The following PCDH9 variants were observed in gnomAD, a reference collection of about 807,000 sequenced individuals.
PCDH9 encodes the protein protocadherin 9, also known as protocadherin-9.
PCDH9 carries 24 observed loss-of-function variants against 70.6 expected under a neutral mutation model. The ratio of observed to expected loss-of-function variants is 0.34; its 90% CI spans 0.25 to 0.48. The LOEUF is 0.48. Ranked by LOEUF, PCDH9 falls within the 20% of genes least tolerant of loss-of-function variation. The pLI, the probability that PCDH9 is intolerant of heterozygous loss-of-function variation, is 0.99. For synonymous variants in PCDH9, 562 were observed against 558.5 expected (o/e 1.01, Z -0.09); for missense variants, 1,281 against 1,503.6 (o/e 0.85, Z 2.45).
chr13:66,969,100 T>C (rs2139742741), intron 2 of PCDH9, among the ~76,000 whole-genome samples: 1 of 152,200 alleles, frequency 6.6e-6, no homozygotes. Context: ...TCTTAGCATT[T>C]CAGTAAGCTG....
intron 2 of PCDH9, among the ~76,000 whole-genome samples, chr13:67,004,561 AAAAAAAG>A (rs2084311297): frequency 6.7e-6 from 1 of 150,020 alleles, no homozygotes; most frequent in Admixed American, 6.7e-5. Flanking sequence ...TCAAAAAAAA[AAAAAAAG>A]AAAGAAAGAA....
At chr13:66,700,049 T>C (rs1456782754) in intron 3 of PCDH9, among the ~76,000 whole-genome samples, 1 of 152,138 alleles carries the variant, frequency 6.6e-6, no homozygotes, top group Non-Finnish European at 1.5e-5. Flanking sequence ...CTCAGAAATA[T>C]GTACAAGACA....
intron 4 of PCDH9, among the ~76,000 whole-genome samples, chr13:66,498,301 C>T (rs542682972): frequency 2.0e-4 from 30 of 152,158 alleles, no homozygotes; most frequent in Admixed American, 6.5e-4. Context: ...CCCACCACCA[C>T]GCCCACCTAA....
intron 3 of PCDH9, among the ~76,000 whole-genome samples, chr13:66,849,158 T>C (rs1162595524): frequency 6.6e-6 from 1 of 151,984 alleles, no homozygotes; most frequent in East Asian, 1.9e-4. Context: ...TCTTCCATGG[T>C]AATATATTGA....
At chr13:66,471,052 G>A (rs1291362586) in intron 4 of PCDH9, among the ~76,000 whole-genome samples, 2 of 151,772 alleles carry the variant, frequency 1.3e-5, no homozygotes, top group Non-Finnish European at 2.9e-5. Context: ...CTTCTACTGA[G>A]CACCTGGGGG....
rs996259500 is a variant in PCDH9 at position 66,664,461 on chromosome 13, A to G, written c.3139-33050T>C. Among the ~76,000 whole-genome samples, 2 of 151,986 alleles carry G rather than the reference A, an allele frequency of 1.3e-5. 1 individual carries two copies. On this transcript the variant is annotated intron_variant, in intron 3 of 4. Transcript: ENST00000377865. ...AATGGGCTTTTTTTTTTTTAAACAA[A>G]GATTCAAACGCCTCACTCAATGCTA...
intron 4 of PCDH9, among the ~76,000 whole-genome samples, chr13:66,414,524 A>G (rs1478309702): frequency 1.3e-5 from 2 of 152,196 alleles, no homozygotes; most frequent in Non-Finnish European, 2.9e-5. Context: ...AGACCTTCTT[A>G]TTTTAACTTT....
At chr13:66,420,832 G>A (rs796068958) in intron 4 of PCDH9, among the ~76,000 whole-genome samples, 16 of 152,214 alleles carry the variant, frequency 1.1e-4, no homozygotes, top group African/African-American at 3.9e-4. Flanking sequence ...TGGAGAATGA[G>A]TTTGACTAAT....
chr13:66,610,044 G>GC (rs1484714948), intron 4 of PCDH9, among the ~76,000 whole-genome samples: 1 of 144,586 alleles, frequency 6.9e-6, no homozygotes, highest in African/African-American at 2.6e-5. Flanking sequence ...TGCAAGCTCC[G>GC]CCTCCCGGGT....
chr13:66,614,611 G>C (rs2077333554), intron 4 of PCDH9, among the ~76,000 whole-genome samples: 2 of 152,308 alleles, frequency 1.3e-5, no homozygotes, highest in East Asian at 1.9e-4. Flanking sequence ...TTCCCCGGAA[G>C]CAGGCTTTTC....
In PCDH9 at chr13:66,700,923, A is replaced by AACAT. The variant is rs1425269335; in HGVS notation, c.3139-69513_3139-69512insATGT. Among the ~76,000 whole-genome samples, 125 of 58,450 alleles carry AACAT rather than the reference A, an allele frequency of 2.1e-3. 3 individuals are homozygous for AACAT. The highest frequency in any genetic ancestry group is 0.012 in the Middle Eastern group (1 of 82). 38.3% of individuals were successfully genotyped at this position (58,450 alleles called of 152,430 possible). ...ATGAAAATATATGTGTGTACATATAAATATATATATATATATATATATATA... is the reference window on the plus strand; with the variant it reads ...ATGAAAATATATGTGTGTACATATAAACATATATATATATATATATATATATATA... On this transcript the variant is annotated intron_variant, in intron 3 of 4. Coordinates refer to ENST00000377865, the MANE Select transcript of PCDH9 (RefSeq NM_203487.3).
At chr13:66,424,359 T>C (rs1347899432) in intron 4 of PCDH9, among the ~76,000 whole-genome samples, 2 of 151,902 alleles carry the variant, frequency 1.3e-5, no homozygotes, top group East Asian at 3.9e-4. Flanking sequence ...AACTTTCAAA[T>C]TGAGCAAGCC....
intron 2 of PCDH9, among the ~76,000 whole-genome samples, chr13:67,115,007 GA>G (rs2086730880): frequency 6.6e-6 from 1 of 152,074 alleles, no homozygotes; most frequent in Non-Finnish European, 1.5e-5. Flanking sequence ...TCTTTGTCAA[GA>G]TTTTTTTTAT....
At chr13:66,834,644 T>C (rs1324869777) in intron 3 of PCDH9, among the ~76,000 whole-genome samples, 1 of 152,228 alleles carries the variant, frequency 6.6e-6, no homozygotes, top group East Asian at 1.9e-4. Flanking sequence ...ACACTAACTG[T>C]AAGATGCCAA....
At chr13:66,974,118 C>G (rs985298240) in intron 2 of PCDH9, among the ~76,000 whole-genome samples, 1 of 151,964 alleles carries the variant, frequency 6.6e-6, no homozygotes, top group Non-Finnish European at 1.5e-5. Context: ...CAATGACCTT[C>G]GTGATGGGGG....
At chr13:67,074,886 A>C (rs1235288774) in intron 2 of PCDH9, among the ~76,000 whole-genome samples, 2 of 152,126 alleles carry the variant, frequency 1.3e-5, no homozygotes, top group Non-Finnish European at 2.9e-5. Flanking sequence ...ATATTAGTTT[A>C]TTCTTACACT....
intron 2 of PCDH9, among the ~76,000 whole-genome samples, chr13:67,035,017 C>A (rs955337285): frequency 1.3e-5 from 2 of 151,690 alleles, no homozygotes; most frequent in African/African-American, 4.8e-5. Flanking sequence ...CATGTATATA[C>A]ATGTGCATAT....
intron 3 of PCDH9, among the ~76,000 whole-genome samples, chr13:66,720,835 A>C (rs1034090268): frequency 4.6e-5 from 7 of 152,196 alleles, no homozygotes; most frequent in African/African-American, 2.4e-5. Context: ...GAGTAATTAA[A>C]GAATATAATA....
intron 2 of PCDH9, among the ~76,000 whole-genome samples, chr13:67,184,581 A>G (rs1036999881): frequency 1.3e-5 from 2 of 152,108 alleles, no homozygotes; most frequent in African/African-American, 2.4e-5. Flanking sequence ...AATAACAAAA[A>G]TTAGCGGAGC....
Sources: gnomAD v4.1 joint callset for allele counts (sites outside exome capture counted in the v4.1 genomes callset) on GRCh38, gnomAD v4.1.1 for gene constraint, MANE v1.5 for transcripts, NCBI Gene and HGNC (gene_info 2026-07-23, HGNC 2026-07-21) for gene names.